The following SH3RF3 variants were observed in gnomAD, a reference collection of about 807,000 sequenced individuals.
The protein encoded by SH3RF3 is SH3 domain containing ring finger 3.
SH3RF3 carries 29 observed loss-of-function variants against 66.3 expected under a neutral mutation model. The ratio of observed to expected loss-of-function variants is 0.44; its 90% CI spans 0.33 to 0.60. The LOEUF (loss-of-function observed/expected upper bound fraction) is 0.60, where lower values mean the gene tolerates loss of function less well. SH3RF3 is among the 20% of genes least tolerant of loss of function. The pLI, the probability that SH3RF3 is intolerant of heterozygous loss-of-function variation, is 0.04. For missense variants in SH3RF3, 1,194 were observed against 1,190.9 expected, an observed-to-expected ratio of 1.00 and a Z score of -0.04; for synonymous variants, 583 against 532.0, an observed-to-expected ratio of 1.10 and a Z score of -1.32.
chr2:109,502,010 A>C lies in SH3RF3; in HGVS notation c.*339A>C. On this transcript the variant is annotated 3_prime_UTR_variant, in exon 10 of 10. Coordinates refer to ENST00000309415, the MANE Select transcript of SH3RF3 (RefSeq NM_001099289.3). ...ATGGCAGCGTTCTCATTTACCACCT[A>C]AGCAGGGTTGGAGGTTGCAGGAGGT... 1 of 258,774 alleles carries C rather than the reference A, an allele frequency of 3.9e-6. No homozygotes were observed. The highest frequency in any genetic ancestry group is 7.6e-6 in the Non-Finnish European group (1 of 131,124). 16.0% of individuals were successfully genotyped at this position (258,774 alleles called of 1,614,324 possible).
At chr2:109,283,998 G>C (rs572098259) in intron 1 of SH3RF3, among the ~76,000 whole-genome samples, 4 of 152,172 alleles carry the variant, frequency 2.6e-5, no homozygotes, top group African/African-American at 4.8e-5. Context: ...TTCCAGGAGA[G>C]CTTGCCCTGG....
intron 1 of SH3RF3, among the ~76,000 whole-genome samples, chr2:109,344,846 G>A (rs1238835995): frequency 6.6e-6 from 1 of 152,154 alleles, no homozygotes; most frequent in African/African-American, 2.4e-5. Flanking sequence ...GCCTCTAGGA[G>A]CTTGCAGATG....
chr2:109,451,196 G>A (rs368120671), intron 8 of SH3RF3, among the ~76,000 whole-genome samples: 1 of 152,240 alleles, frequency 6.6e-6, no homozygotes. Flanking sequence ...CTAACAGGGC[G>A]CCTGGCATGA....
At chr2:109,150,673 T>A (rs997720356) in intron 1 of SH3RF3, among the ~76,000 whole-genome samples, 13 of 152,062 alleles carry the variant, frequency 8.5e-5, no homozygotes, top group Non-Finnish European at 1.8e-4. Flanking sequence ...CTGGTTCCAG[T>A]CTGGCTCTAC....
At chr2:109,260,022 G>T (rs907749088) in intron 1 of SH3RF3, among the ~76,000 whole-genome samples, 2 of 152,186 alleles carry the variant, frequency 1.3e-5, no homozygotes, top group African/African-American at 4.8e-5. Context: ...TTTCCAAGTA[G>T]TAATTGTAAT....
chr2:109,307,986 G>A (rs1681639008), intron 1 of SH3RF3, among the ~76,000 whole-genome samples: 1 of 141,376 alleles, frequency 7.1e-6, no homozygotes, highest in South Asian at 2.3e-4. Flanking sequence ...CTAGATCCCT[G>A]AGGAATCGCC....
At chr2:109,287,847 AC>A (rs1681066992) in intron 1 of SH3RF3, among the ~76,000 whole-genome samples, 1 of 151,508 alleles carries the variant, frequency 6.6e-6, no homozygotes, top group Admixed American at 6.6e-5. Flanking sequence ...AGTTTCCTAA[AC>A]CCCACTCATA....
intron 1 of SH3RF3, among the ~76,000 whole-genome samples, chr2:109,199,423 T>A (rs1023839410): frequency 6.7e-4 from 2 of 2,976 alleles, no homozygotes; most frequent in Non-Finnish European, 1.9e-3. Flanking sequence ...TGGAATGGAA[T>A]GGAATGGAAT....
At chr2:109,137,158 T>C (rs187094447) in intron 1 of SH3RF3, among the ~76,000 whole-genome samples, 5 of 152,362 alleles carry the variant, frequency 3.3e-5, no homozygotes, top group African/African-American at 9.6e-5. Flanking sequence ...TCTCTGTTTA[T>C]CTGGCAGGAA....
intron 4 of SH3RF3, among the ~76,000 whole-genome samples, chr2:109,416,982 A>G (rs1573234573): frequency 1.3e-5 from 2 of 151,522 alleles, no homozygotes; most frequent in African/African-American, 2.4e-5. Context: ...GTCACAGGCC[A>G]TGGTGTTCCC....
At chr2:109,179,225 C>G (rs1678010804) in intron 1 of SH3RF3, among the ~76,000 whole-genome samples, 1 of 152,176 alleles carries the variant, frequency 6.6e-6, no homozygotes, top group Non-Finnish European at 1.5e-5. Context: ...GTTCTACTTC[C>G]TGTTCTGACA....
rs1339105462 is a variant in SH3RF3 at position 109,491,445 on chromosome 2, G to A, written c.2480+509G>A. 3.9e-5 allele frequency among the ~76,000 whole-genome samples: 6 copies of A among 152,166 alleles called. No homozygotes were observed. The South Asian group carries it at 6.2e-4, about 16-fold the overall frequency. On this transcript the variant is annotated intron_variant, in intron 9 of 9. Transcript: ENST00000309415. ...TCATGGCTTCAAGGGTATATAGTCCGTCAGACTGAACCCTTTGAAATTGCC... is the reference window on the plus strand; with the variant it reads ...TCATGGCTTCAAGGGTATATAGTCCATCAGACTGAACCCTTTGAAATTGCC...
intron 6 of SH3RF3, among the ~76,000 whole-genome samples, chr2:109,433,954 G>A (rs1019953713): frequency 3.3e-5 from 5 of 152,218 alleles, no homozygotes; most frequent in Admixed American, 6.5e-5. Context: ...AGCCTCCTGC[G>A]GCTTCTTCAG....
At chr2:109,466,603 T>C (rs908862762) in intron 8 of SH3RF3, among the ~76,000 whole-genome samples, 2 of 151,618 alleles carry the variant, frequency 1.3e-5, no homozygotes, top group African/African-American at 2.4e-5. Context: ...ATTTATTAAC[T>C]ATTTCATGAT....
rs781264969 is a variant in SH3RF3 at position 109,347,875 on chromosome 2, C to T, written c.775C>T (p.Pro259Ser). The change falls in exon 2 of 10, where the codon CCC becomes TCC. Residue 259 changes from proline (P) to serine (S), a missense_variant. Transcript: ENST00000309415. ...QCIQPLPHAP[P>S]QGKALYDFEM... ...CATCCAGCCCTTGCCACACGCCCCGCCCCAGGGAAAAGCACTTTATGATTT... is the reference window on the plus strand; with the variant it reads ...CATCCAGCCCTTGCCACACGCCCCGTCCCAGGGAAAAGCACTTTATGATTT... The T allele has an allele frequency of 6.2e-7, 1 of 1,613,104 alleles. No individual in the cohort carries two copies. The highest frequency in any genetic ancestry group is 8.5e-7 in the Non-Finnish European group (1 of 1,179,538).
At chr2:109,250,330 A>G (rs1680056472) in intron 1 of SH3RF3, among the ~76,000 whole-genome samples, 2 of 152,082 alleles carry the variant, frequency 1.3e-5, no homozygotes, top group African/African-American at 4.8e-5. Flanking sequence ...GGGTTTCTAA[A>G]CATGCACAAG....
intron 1 of SH3RF3, among the ~76,000 whole-genome samples, chr2:109,242,584 C>T (rs1679812650): frequency 6.6e-6 from 1 of 152,196 alleles, no homozygotes; most frequent in Non-Finnish European, 1.5e-5. Flanking sequence ...CCCAGGCCGG[C>T]CTAGCCCAAA....
In SH3RF3 at chr2:109,387,858, T is replaced by TGG. The variant is rs5833330; in HGVS notation, c.946-10723_946-10722dup. ...TTCCAAAGCAACAGCCCCAGATGGT[T>TGG]GGGGGGGGGGTCTCCTCCCCCGGCC... is the stretch of plus-strand genomic sequence containing the variant. On this transcript the variant is annotated intron_variant, in intron 3 of 9. Coordinates refer to ENST00000309415, the MANE Select transcript of SH3RF3 (RefSeq NM_001099289.3). Among the ~76,000 whole-genome samples the TGG allele has an allele frequency of 9.6e-3, 1,423 of 147,760 alleles. 20 individuals are homozygous for TGG. Among genetic ancestry groups the TGG allele is most frequent in the African/African-American group, 0.033 (1,360 of 40,686 alleles).
At chr2:109,448,363 G>A (rs544567313) in intron 7 of SH3RF3, among the ~76,000 whole-genome samples, 9 of 152,166 alleles carry the variant, frequency 5.9e-5, no homozygotes, top group South Asian at 4.1e-4. Flanking sequence ...GACCAATTCC[G>A]GTCCATGGTC....
Sources: gnomAD v4.1 joint callset for allele counts (sites outside exome capture counted in the v4.1 genomes callset) on GRCh38, gnomAD v4.1.1 for gene constraint, MANE v1.5 for transcripts, NCBI Gene and HGNC (gene_info 2026-07-23, HGNC 2026-07-21) for gene names.